Variants in ZNF10 observed in about 807,000 individuals in gnomAD.
ZNF10 encodes the protein zinc finger protein 10.
Under a neutral mutation model 12.2 loss-of-function variants are expected in ZNF10, and 8 were observed. The ratio of observed to expected loss-of-function variants is 0.66; its 90% CI spans 0.39 to 1.18. ZNF10 has a LOEUF of 1.18. Ranked by LOEUF, ZNF10 falls within the 50% of genes most tolerant of loss-of-function variation. The pLI is 0.01. For synonymous variants in ZNF10, 229 were observed against 228.2 expected (o/e 1.00, Z -0.03); for missense variants, 603 against 678.9 (o/e 0.89, Z 1.24).
intron 2 of ZNF10, among the ~76,000 whole-genome samples, chr12:133,149,331 G>A (rs1955994533): frequency 6.6e-6 from 1 of 150,500 alleles, no homozygotes; most frequent in African/African-American, 2.4e-5. Flanking sequence ...AGGGCTCAAG[G>A]GCTTGTGGTT....
In ZNF10 at chr12:133,156,229, A is replaced by G; in HGVS notation, c.983A>G (p.Lys328Arg). The change falls in exon 5 of 5, where the codon AAA becomes AGA. Residue 328 changes from lysine (K) to arginine (R), a missense_variant. Physicochemically the swap from Lys to Arg is conservative, Grantham distance 26. Transcript: ENST00000248211. ...CCCTATGAATGTAAAGAATGTGGAA[A>G]ATCCTTCAGCTGGTTCTCTCACCTT... is the stretch of plus-strand genomic sequence containing the variant. ...EEPYECKECGKSFSWFSHLVT... is the reference protein window; with the variant it reads ...EEPYECKECGRSFSWFSHLVT... The G allele has an allele frequency of 6.2e-7, 1 of 1,614,130 alleles. No homozygotes were observed. The highest frequency in any genetic ancestry group is 8.5e-7 in the Non-Finnish European group (1 of 1,180,016).
In ZNF10 at chr12:133,145,497, G is replaced by A. The variant is rs1396618769; in HGVS notation, c.33+972G>A. 4.6e-5 allele frequency among the ~76,000 whole-genome samples: 7 copies of A among 152,080 alleles called. No homozygotes were observed. The South Asian group carries it at 1.2e-3, about 27-fold the overall frequency. On this transcript the variant is annotated intron_variant, in intron 2 of 4. Transcript: ENST00000248211. ...ACTGACTCATGGTGAAGTTAAATAA[G>A]CATTATCCAATCCAAAATTTAAGGT... is the stretch of plus-strand genomic sequence containing the variant.
At chr12:133,130,914 T>G (rs890313829) in intron 1 of ZNF10, 160 bp downstream of exon 1, 1 of 152,238 alleles carries the variant, frequency 6.6e-6, no homozygotes, top group African/African-American at 2.4e-5. Flanking sequence ...CTCAGTCACT[T>G]TCTGTCCCTC....
chr12:133,131,824 ACAT>A (rs1316704154), intron 1 of ZNF10, among the ~76,000 whole-genome samples: 1 of 152,218 alleles, frequency 6.6e-6, no homozygotes, highest in Non-Finnish European at 1.5e-5. Flanking sequence ...TTTGAGATAC[ACAT>A]CATAAATTAA....
chr12:133,134,898 C>G (rs1429152226), intron 1 of ZNF10, among the ~76,000 whole-genome samples: 1 of 152,192 alleles, frequency 6.6e-6, no homozygotes, highest in Non-Finnish European at 1.5e-5. Context: ...ATGGCTGTTG[C>G]TGTGCTTTCT....
chr12:133,134,788 A>T (rs1257771534), intron 1 of ZNF10, among the ~76,000 whole-genome samples: 1 of 143,424 alleles, frequency 7.0e-6, no homozygotes, highest in East Asian at 1.9e-4. Context: ...TTATTGTAAC[A>T]TTTATGTTCA....
intron 2 of ZNF10, 56 bp downstream of exon 2, chr12:133,144,581 C>T (rs1955965154): frequency 6.5e-7 from 1 of 1,543,950 alleles, no homozygotes; most frequent in Non-Finnish European, 8.9e-7. Flanking sequence ...GCTTTAGTTC[C>T]TTTGCCAAAG....
At chr12:133,134,132 C>A (rs1290961093) in intron 1 of ZNF10, among the ~76,000 whole-genome samples, 1 of 135,290 alleles carries the variant, frequency 7.4e-6, no homozygotes, top group Non-Finnish European at 1.5e-5. Flanking sequence ...AACCCTGTCG[C>A]TACTAAAAAT....
At chr12:133,140,425 C>A (rs536107892) in intron 1 of ZNF10, among the ~76,000 whole-genome samples, 1 of 137,058 alleles carries the variant, frequency 7.3e-6, no homozygotes, top group Non-Finnish European at 1.5e-5. Flanking sequence ...GGTCACTAGA[C>A]GTCTTTTTTT....
chr12:133,132,269 A>AT (rs34602690), intron 1 of ZNF10, among the ~76,000 whole-genome samples: 84,084 of 141,090 alleles, frequency 0.6, 25,855 homozygotes, highest in African/African-American at 0.71. Flanking sequence ...AAATCTGAGA[A>AT]TTTTTTTTTT....
At position 133,155,978 on chromosome 12, in the gene ZNF10, C is replaced by T. The variant is rs767758283; in HGVS notation, c.732C>T (p.Asp244=). The T allele has an allele frequency of 1.2e-6, 2 of 1,613,862 alleles. No homozygotes were observed. The highest frequency in any genetic ancestry group is 3.3e-5 in the Admixed American group (2 of 59,998). ...AATCCTACAAATGCCCTGATAATGA[C>T]AACTCTCTTACTCATGGTTCATCTC... ...GDKSYKCPDN[D]NSLTHGSSLG... is the part of the protein sequence containing the mutation. Residue 244 remains aspartate, a synonymous_variant, in exon 5 of 5, where the codon GAC becomes GAT. Transcript: ENST00000248211.
chr12:133,144,372 T>C (rs1271505902), intron 1 of ZNF10, 62 bp from the exon 2 acceptor site: 4 of 990,464 alleles, frequency 4.0e-6, no homozygotes, highest in Non-Finnish European at 4.6e-6. Flanking sequence ...AAGTTTAGAC[T>C]GACAATTTAG....
chr12:133,145,639 T>A (rs1223452603), intron 2 of ZNF10, among the ~76,000 whole-genome samples: 1 of 140,964 alleles, frequency 7.1e-6, no homozygotes, highest in African/African-American at 2.8e-5. Context: ...TAAGACCCTG[T>A]CTCTACTGAA....
chr12:133,144,703 T>C (rs1955965599), intron 2 of ZNF10, among the ~76,000 whole-genome samples, 178 bp downstream of exon 2: 1 of 152,192 alleles, frequency 6.6e-6, no homozygotes, highest in African/African-American at 2.4e-5. Context: ...TTTCCCTCTC[T>C]TCTTTTATTA....
chr12:133,145,821 A>T (rs1244668027), intron 2 of ZNF10, among the ~76,000 whole-genome samples: 1 of 32,180 alleles, frequency 3.1e-5, no homozygotes, highest in Non-Finnish European at 6.1e-5. Flanking sequence ...CCACCCCCAC[A>T]AAAAGAAAAA....
intron 1 of ZNF10, 56 bp from the exon 2 acceptor site, chr12:133,144,378 T>C: frequency 9.2e-7 from 1 of 1,082,368 alleles, no homozygotes; most frequent in Non-Finnish European, 1.4e-6. Flanking sequence ...AGACTGACAA[T>C]TTAGGGAGCC....
At chr12:133,140,202 C>CA (rs67577219) in intron 1 of ZNF10, among the ~76,000 whole-genome samples, 6,628 of 35,060 alleles carry the variant, frequency 0.19, 1,085 homozygotes, top group Non-Finnish European at 0.33. Flanking sequence ...GACCCTGTCT[C>CA]AAAAAAAAAA....
In ZNF10 at chr12:133,156,116, A is replaced by AATG; in HGVS notation, c.871_872insTGA (p.Glu290_Lys291insMet). 1 of 1,613,512 alleles carries AATG rather than the reference A, an allele frequency of 6.2e-7. No homozygotes were observed. The highest frequency in any genetic ancestry group is 8.5e-7 in the Non-Finnish European group (1 of 1,180,024). Reference sequence around the variant, plus strand: ...GGCATCAGCTTATTCATACTGGAGAAAAACCCTATGAGTGTAAAGAATGTG... The same window carrying AATG: ...GGCATCAGCTTATTCATACTGGAGAAATGAAACCCTATGAGTGTAAAGAATGTG... On this transcript the variant is annotated inframe_insertion, in exon 5 of 5. Coordinates refer to ENST00000248211, the MANE Select transcript of ZNF10 (RefSeq NM_015394.5).
At chr12:133,154,485 G>C (rs1170585236) in intron 4 of ZNF10, among the ~76,000 whole-genome samples, 1 of 152,206 alleles carries the variant, frequency 6.6e-6, no homozygotes, top group African/African-American at 2.4e-5. Context: ...GCCAGAGACT[G>C]TAATAGGCTC....
Sources: allele counts gnomAD v4.1 joint callset (sites outside exome capture counted in the v4.1 genomes callset), GRCh38; gene constraint gnomAD v4.1.1; transcripts MANE v1.5; gene names NCBI Gene and HGNC (gene_info 2026-07-23, HGNC 2026-07-21).